Variants in MRPL39 observed in about 807,000 individuals in gnomAD.
MRPL39 encodes the protein mitochondrial ribosomal protein L39.
In MRPL39, 35 loss-of-function variants were observed where a neutral mutation model predicts 44.5. The observed-to-expected ratio is 0.79, with a 90% confidence interval of 0.60 to 1.04. The LOEUF (loss-of-function observed/expected upper bound fraction) is 1.04. MRPL39 is among the 50% of genes least tolerant of loss of function. The pLI is 0.00. For missense variants in MRPL39, 433 were observed against 413.5 expected, an observed-to-expected ratio of 1.05 and a Z score of -0.41; for synonymous variants, 139 against 136.1, an observed-to-expected ratio of 1.02 and a Z score of -0.15.
chr21:25,594,450 T>C (rs1417293933), intron 6 of MRPL39, among the ~76,000 whole-genome samples: 2 of 151,828 alleles, frequency 1.3e-5, no homozygotes, highest in African/African-American at 4.8e-5. Context: ...TCTTGCCATG[T>C]TGCTCAGGCT....
chr21:25,607,291 C>A, intron 1 of MRPL39, 112 bp downstream of exon 1: 1 of 1,178,886 alleles, frequency 8.5e-7, no homozygotes, highest in Admixed American at 1.9e-5. Context: ...GACTAAGAAA[C>A]CCTCCTCCTT....
intron 6 of MRPL39, among the ~76,000 whole-genome samples, chr21:25,596,165 C>A (rs1327339253): frequency 2.0e-5 from 3 of 151,898 alleles, no homozygotes. Flanking sequence ...GTGGCGCCAC[C>A]TAGGCTCACT....
intron 8 of MRPL39, among the ~76,000 whole-genome samples, chr21:25,589,129 G>A (rs1428758842): frequency 2.0e-5 from 3 of 152,092 alleles, no homozygotes; most frequent in Non-Finnish European, 4.4e-5. Context: ...AGAAAAAAAC[G>A]CTTAAGGATT....
chr21:25,603,903 G>A lies in MRPL39; in HGVS notation c.313C>T (p.Leu105=), dbSNP rs748073707. Residue 105 remains leucine (L), a synonymous_variant, in exon 3 of 10, where the codon CTG becomes TTG. Transcript: ENST00000352957. ...LSEWYCRKSI[L]ALVDGQPWDM... is the part of the protein sequence containing the mutation. ...CAAGGCTGTCCATCCACCAGAGCCA[G>A]AATGGACTTCCTGCAATACCACTCG... 5 of 1,611,918 alleles carry A rather than the reference G, an allele frequency of 3.1e-6. No individual in the cohort carries two copies. The South Asian group carries it at 5.5e-5, about 18-fold the overall frequency.
At chr21:25,588,512 C>T (rs1440344053) in intron 9 of MRPL39, among the ~76,000 whole-genome samples, 1 of 152,084 alleles carries the variant, frequency 6.6e-6, no homozygotes, top group Non-Finnish European at 1.5e-5. Flanking sequence ...ATTAAGTTTA[C>T]AAAATAAATC....
At chr21:25,598,289 G>A (rs1476154366) in intron 5 of MRPL39, among the ~76,000 whole-genome samples, 1 of 151,790 alleles carries the variant, frequency 6.6e-6, no homozygotes, top group African/African-American at 2.4e-5. Flanking sequence ...CTTTTGTAAG[G>A]TTTTATCTTT....
At chr21:25,600,530 C>A (rs2031490886) in intron 4 of MRPL39, among the ~76,000 whole-genome samples, 1 of 149,936 alleles carries the variant, frequency 6.7e-6, no homozygotes, top group Non-Finnish European at 1.5e-5. Context: ...TTCTTAGAAT[C>A]ATTTCTTGAG....
Position 25,606,529 on chromosome 21 carries a change from A to T in MRPL39, c.200T>A (p.Val67Asp), listed in dbSNP as rs778447342. 6.2e-7 allele frequency: 1 copy of T among 1,614,048 alleles called. No homozygotes were observed. Among genetic ancestry groups the T allele is most frequent in the South Asian group, 1.1e-5 (1 of 91,052 alleles). The change falls in exon 2 of 10, where the codon GTT becomes GAT. Residue 67 changes from valine (V) to aspartate (D), a missense_variant. Physicochemically the swap from Val to Asp is radical, Grantham distance 152. Transcript: ENST00000352957. ...SLTPRTEKIE[V>D]KHVGKTDPGT... is the part of the protein sequence containing the mutation. ...GGGGTCAGTTTTCCCAACATGCTTA[A>T]CTTCTATCTTCTCAGTTCGGGGAGT...
chr21:25,591,052 T>C (rs1212417732), intron 8 of MRPL39, among the ~76,000 whole-genome samples: 3 of 146,730 alleles, frequency 2.0e-5, no homozygotes, highest in Non-Finnish European at 4.5e-5. Flanking sequence ...ACGAATGGTG[T>C]TGGAGCAATC....
chr21:25,587,302 C>G (rs1447783351), intron 9 of MRPL39, among the ~76,000 whole-genome samples: 1 of 151,592 alleles, frequency 6.6e-6, no homozygotes, highest in African/African-American at 2.4e-5. Flanking sequence ...AACATTTTTT[C>G]TTTAGTTTCT....
chr21:25,606,003 C>A (rs1464450516), intron 2 of MRPL39, among the ~76,000 whole-genome samples: 1 of 152,192 alleles, frequency 6.6e-6, no homozygotes, highest in African/African-American at 2.4e-5. Flanking sequence ...CCAGGCAGGA[C>A]AATCTGTGCA....
intron 6 of MRPL39, among the ~76,000 whole-genome samples, chr21:25,595,960 C>T (rs2829817): frequency 0.077 from 11,654 of 152,230 alleles, 1,101 homozygotes; most frequent in African/African-American, 0.21. Flanking sequence ...CTAGTTAAAA[C>T]AGTACATTAC....
chr21:25,590,913 G>A (rs1169433635), intron 8 of MRPL39, among the ~76,000 whole-genome samples: 1 of 152,112 alleles, frequency 6.6e-6, no homozygotes, highest in African/African-American at 2.4e-5. Flanking sequence ...GGTGGTACTG[G>A]TAGAGAGCTA....
chr21:25,587,252 A>G (rs2031026373), intron 9 of MRPL39, among the ~76,000 whole-genome samples: 1 of 152,104 alleles, frequency 6.6e-6, no homozygotes, highest in South Asian at 2.1e-4. Context: ...TAGCTTTTTA[A>G]ATTTTTTTTA....
chr21:25,592,831 G>GAC lies in MRPL39; in HGVS notation c.900_901dup (p.Ser301CysfsTer7). 1 of 1,611,724 alleles carries GAC rather than the reference G, an allele frequency of 6.2e-7. No homozygotes were observed. The highest frequency in any genetic ancestry group is 8.5e-7 in the Non-Finnish European group (1 of 1,177,964). ...ACTTACTCTTAAGTGAACAGGTAAA[G>GAC]ACACGCCCTGGAATCTTCGTATGAG... is the stretch of plus-strand genomic sequence containing the variant. On this transcript the variant is annotated frameshift_variant, in exon 8 of 10. Transcript: ENST00000352957. LOFTEE classifies it high-confidence loss of function.
chr21:25,600,837 G>A (rs1204451990), intron 4 of MRPL39, among the ~76,000 whole-genome samples: 1 of 152,206 alleles, frequency 6.6e-6, no homozygotes, highest in East Asian at 1.9e-4. Context: ...GCCGGGCACG[G>A]TGGCTCACGC....
At chr21:25,605,169 T>G (rs376313198) in intron 2 of MRPL39, among the ~76,000 whole-genome samples, 1 of 152,252 alleles carries the variant, frequency 6.6e-6, no homozygotes, top group East Asian at 1.9e-4. Context: ...GAATGGTTAC[T>G]GAGTTTTCCA....
At chr21:25,605,497 AG>A (rs2031635077) in intron 2 of MRPL39, among the ~76,000 whole-genome samples, 1 of 152,202 alleles carries the variant, frequency 6.6e-6, no homozygotes, top group South Asian at 2.1e-4. Flanking sequence ...AGATTAAGTT[AG>A]GCTATACAAT....
Position 25,605,567 on chromosome 21 carries a change from TC to T in MRPL39, c.280+881del, listed in dbSNP as rs1226408577. ...AGCTGATCATCTGAGGCCATGGCAATCCCTTTACACCAAAATCCTTTCTTGA... is the reference window on the plus strand; with the variant it reads ...AGCTGATCATCTGAGGCCATGGCAATCCTTTACACCAAAATCCTTTCTTGA... On this transcript the variant is annotated intron_variant, in intron 2 of 9. Coordinates refer to ENST00000352957, the MANE Select transcript of MRPL39 (RefSeq NM_017446.4). Among the ~76,000 whole-genome samples the T allele has an allele frequency of 2.0e-5, 3 of 152,182 alleles. No individual in the cohort carries two copies. In the East Asian group the frequency reaches 5.8e-4, roughly 29 times the overall value.
Sources: gnomAD v4.1 joint callset for allele counts (sites outside exome capture counted in the v4.1 genomes callset) on GRCh38, gnomAD v4.1.1 for gene constraint, MANE v1.5 for transcripts, NCBI Gene and HGNC (gene_info 2026-07-23, HGNC 2026-07-21) for gene names.